Variants in GNA12 observed in about 807,000 individuals in gnomAD.
GNA12 encodes the protein G protein subunit alpha 12, also known as guanine nucleotide-binding protein subunit alpha-12.
A neutral mutation model predicts 26.0 loss-of-function variants in GNA12; 9 were observed. The ratio of observed to expected loss-of-function variants is 0.35; its 90% CI spans 0.21 to 0.60. The LOEUF is 0.60. Among genes scored for constraint, GNA12 ranks in the 20% least tolerant of loss-of-function variants. The probability of loss-of-function intolerance (pLI) is 0.78; values close to 1 mark genes in which losing one functional copy is unlikely to be tolerated. For synonymous variants in GNA12, 264 were observed against 219.6 expected (o/e 1.20, Z -1.79); for missense variants, 405 against 525.8 (o/e 0.77, Z 2.25).
At chr7:2,754,521 T>C (rs989302381) in intron 2 of GNA12, among the ~76,000 whole-genome samples, 8 of 151,208 alleles carry the variant, frequency 5.3e-5, no homozygotes, top group African/African-American at 2.0e-4. Context: ...GGCAGGAAGA[T>C]CCCTTGAGCT....
intron 1 of GNA12, among the ~76,000 whole-genome samples, chr7:2,821,257 G>A (rs926623215): frequency 6.6e-6 from 1 of 152,182 alleles, no homozygotes; most frequent in African/African-American, 2.4e-5. Flanking sequence ...GTATCCTGAG[G>A]GGAGACTCTC....
chr7:2,746,378 T>C (rs1158297684), intron 2 of GNA12, among the ~76,000 whole-genome samples: 1 of 151,812 alleles, frequency 6.6e-6, no homozygotes, highest in African/African-American at 2.4e-5. Context: ...TCAAAACCGC[T>C]CAACTACATG....
intron 1 of GNA12, among the ~76,000 whole-genome samples, chr7:2,834,624 C>G (rs1218451945): frequency 6.6e-6 from 1 of 152,220 alleles, no homozygotes; most frequent in Non-Finnish European, 1.5e-5. Flanking sequence ...TTTCTAAAAT[C>G]AGCCAAACAG....
chr7:2,748,299 T>G (rs1790865548), intron 2 of GNA12, among the ~76,000 whole-genome samples: 2 of 152,188 alleles, frequency 1.3e-5, no homozygotes, highest in Non-Finnish European at 2.9e-5. Flanking sequence ...ATGGTACTGG[T>G]ACCAAAACAG....
At chr7:2,805,479 C>T (rs533770752) in intron 1 of GNA12, among the ~76,000 whole-genome samples, 14 of 152,314 alleles carry the variant, frequency 9.2e-5, no homozygotes, top group African/African-American at 3.1e-4. Flanking sequence ...TCAAAGCTCA[C>T]TGCAGCCTTG....
chr7:2,801,442 G>A (rs950399052), intron 1 of GNA12, among the ~76,000 whole-genome samples: 1 of 152,268 alleles, frequency 6.6e-6, no homozygotes, highest in South Asian at 2.1e-4. Flanking sequence ...AACTATCAGG[G>A]TGAACATAGG....
chr7:2,759,140 AAAATAAATAAAT>A (rs3074427), intron 2 of GNA12, among the ~76,000 whole-genome samples: 3,751 of 144,744 alleles, frequency 0.026, 99 homozygotes, highest in Middle Eastern at 0.085. Context: ...ACACTGTCTC[AAAATAAATAAAT>A]AAATAAATAA....
intron 1 of GNA12, chr7:2,814,777 G>A (rs1793175558): frequency 8.9e-7 from 1 of 1,123,164 alleles, no homozygotes; most frequent in African/African-American, 1.5e-5. Context: ...ACACATCCTA[G>A]AAAGGGTTCC....
At chr7:2,795,213 A>C in intron 1 of GNA12, 70 bp from the exon 2 acceptor site, 1 of 1,127,732 alleles carries the variant, frequency 8.9e-7, no homozygotes, top group South Asian at 1.3e-5. Flanking sequence ...GAGAAGCTCA[A>C]AATGGGCATC....
intron 2 of GNA12, among the ~76,000 whole-genome samples, chr7:2,746,728 G>A (rs1443810089): frequency 2.0e-5 from 3 of 152,084 alleles, no homozygotes; most frequent in East Asian, 1.9e-4. Flanking sequence ...ATGAATCCAG[G>A]AGCTGGTTTT....
intron 1 of GNA12, among the ~76,000 whole-genome samples, chr7:2,829,387 C>T (rs1340260190): frequency 6.6e-6 from 1 of 152,234 alleles, no homozygotes; most frequent in Non-Finnish European, 1.5e-5. Context: ...GTCTCTCTGA[C>T]TCCCAACTCT....
chr7:2,796,659 G>A (rs1426912495), intron 1 of GNA12, among the ~76,000 whole-genome samples: 1 of 152,146 alleles, frequency 6.6e-6, no homozygotes, highest in African/African-American at 2.4e-5. Context: ...TAGATTTAAC[G>A]TCACCATCGT....
At chr7:2,811,031 A>T (rs1228211303) in intron 1 of GNA12, among the ~76,000 whole-genome samples, 1 of 152,210 alleles carries the variant, frequency 6.6e-6, no homozygotes, top group Non-Finnish European at 1.5e-5. Flanking sequence ...GCAAGTCCCA[A>T]GAATCAGAAG....
At chr7:2,773,725 G>A (rs909447967) in intron 2 of GNA12, among the ~76,000 whole-genome samples, 2 of 152,186 alleles carry the variant, frequency 1.3e-5, no homozygotes, top group Non-Finnish European at 2.9e-5. Flanking sequence ...CATGAACACT[G>A]AACCCAGGCA....
intron 2 of GNA12, chr7:2,762,052 C>T (rs2082696289): frequency 6.6e-6 from 1 of 152,520 alleles, no homozygotes; most frequent in Admixed American, 6.5e-5. Context: ...CATCCGCATT[C>T]CTTACCTTCA....
At position 2,794,937 on chromosome 7, in the gene GNA12, C is replaced by A; in HGVS notation, c.516G>T (p.Glu172Asp). Residue 172 changes from glutamate to aspartate, a missense_variant, in exon 2 of 4, where the codon GAG becomes GAT. Glu to Asp is a conservative substitution (Grantham distance 45, BLOSUM62 2). Transcript: ENST00000275364. ...AGGCCTACTCACTCACCAGCTGAAA[C>A]TCGCTTCTCCGGCTGAAAGCCTCCC... ...GIREAFSRRS[E>D]FQLGESVKYF... 1 of 1,613,370 alleles carries A rather than the reference C, an allele frequency of 6.2e-7. No individual in the cohort carries two copies. The highest frequency in any genetic ancestry group is 8.5e-7 in the Non-Finnish European group (1 of 1,179,310).
At chr7:2,843,754 G>A in intron 1 of GNA12, 99 bp downstream of exon 1, 1 of 541,088 alleles carries the variant, frequency 1.8e-6, no homozygotes, top group Non-Finnish European at 3.0e-6. Context: ...CTCGCCCCAG[G>A]GGTCCCCGCC....
intron 2 of GNA12, among the ~76,000 whole-genome samples, chr7:2,758,869 G>T (rs1791423489): frequency 6.6e-6 from 1 of 152,200 alleles, no homozygotes; most frequent in African/African-American, 2.4e-5. Context: ...TCTCTGCTGG[G>T]CGCGGTGGCT....
intron 2 of GNA12, chr7:2,765,254 TC>T (rs1791755291): frequency 1.3e-5 from 2 of 151,730 alleles, no homozygotes; most frequent in Admixed American, 1.3e-4. Context: ...TTCACGCCAT[TC>T]TCCTGCCTCA....
Sources: gnomAD v4.1 joint callset for allele counts (sites outside exome capture counted in the v4.1 genomes callset) on GRCh38, gnomAD v4.1.1 for gene constraint, MANE v1.5 for transcripts, NCBI Gene and HGNC (gene_info 2026-07-23, HGNC 2026-07-21) for gene names.